The following SKI variants were observed in gnomAD, a reference collection of about 807,000 sequenced individuals.
SKI encodes the protein SKI proto-oncogene.
SKI carries 23 observed loss-of-function variants against 59.3 expected under a neutral mutation model. The ratio of observed to expected loss-of-function variants is 0.39; its 90% CI spans 0.28 to 0.55. The LOEUF (loss-of-function observed/expected upper bound fraction) is 0.55. SKI is among the 20% of genes least tolerant of loss of function. The pLI is 0.67. For missense variants in SKI, 1,017 were observed against 1,038.9 expected (o/e 0.98, Z 0.29); for synonymous variants, 673 against 488.6 (o/e 1.38, Z -4.98).
intron 1 of SKI, 148 bp from the exon 2 acceptor site, chr1:2,302,830 G>C (rs1240255967): frequency 2.8e-6 from 3 of 1,059,728 alleles, no homozygotes; most frequent in African/African-American, 3.1e-5. Context: ...CTCCTGGGGG[G>C]TGCCCTGGAA....
intron 1 of SKI, chr1:2,240,685 G>A: frequency 1.0e-6 from 1 of 985,482 alleles, no homozygotes; most frequent in Non-Finnish European, 1.2e-6. Flanking sequence ...CTCTCTACTT[G>A]TTCGGAGGAT....
Position 2,267,061 on chromosome 1 carries a change from A to G in SKI, c.970-35917A>G, listed in dbSNP as rs1281026514. Among the ~76,000 whole-genome samples the G allele has an allele frequency of 6.6e-6, 1 of 152,178 alleles. No individual in the cohort carries two copies. The highest frequency in any genetic ancestry group is 1.9e-4 in the East Asian group (1 of 5,198). On this transcript the variant is annotated intron_variant, in intron 1 of 6. Coordinates refer to ENST00000378536, the MANE Select transcript of SKI (RefSeq NM_003036.4). The surrounding 1 kb of genome is among the most constrained non-coding windows in gnomAD (Gnocchi z 4.1). ...TTTTCCTTCTGCAATAATTTTGGCT[A>G]CATTAAATTCGTTTTGTTAACATCT...
chr1:2,275,135 G>A (rs1352483953), intron 1 of SKI, among the ~76,000 whole-genome samples: 3 of 152,256 alleles, frequency 2.0e-5, no homozygotes, highest in Non-Finnish European at 1.5e-5. Flanking sequence ...CCCCATGAGA[G>A]GAGCTTCTAG....
At chr1:2,280,116 C>T (rs769758393) in intron 1 of SKI, among the ~76,000 whole-genome samples, 1 of 152,032 alleles carries the variant, frequency 6.6e-6, no homozygotes, top group African/African-American at 2.4e-5. Flanking sequence ...TGCCTGTAAT[C>T]CCAGCACTTT....
At chr1:2,234,261 C>G (rs1212819377) in intron 1 of SKI, among the ~76,000 whole-genome samples, 6 of 152,178 alleles carry the variant, frequency 3.9e-5, no homozygotes, top group African/African-American at 1.4e-4. Flanking sequence ...GGCAGCTGCC[C>G]CCAGGTGGCT....
intron 1 of SKI, among the ~76,000 whole-genome samples, chr1:2,241,381 G>C (rs1638866455): frequency 6.6e-6 from 1 of 152,092 alleles, no homozygotes; most frequent in African/African-American, 2.4e-5. Flanking sequence ...CCTATTTTGA[G>C]GGGGAGGGAT....
rs112615276 is a variant in SKI at position 2,235,329 on chromosome 1, C to G, written c.969+5594C>G. Among the ~76,000 whole-genome samples the G allele has an allele frequency of 3.3e-3, 505 of 152,326 alleles. 2 individuals are homozygous for G. Among genetic ancestry groups the G allele is most frequent in the African/African-American group, 0.012 (487 of 41,574 alleles). The stretch of plus-strand genomic sequence containing the variant: ...AGAGTGCTGGGATTACAGGCATAAG[C>G]CACTGTGCCTGGCCCCTGGAGTGGG... On this transcript the variant is annotated intron_variant, in intron 1 of 6. Transcript: ENST00000378536.
At chr1:2,297,477 G>A (rs1343669442) in intron 1 of SKI, among the ~76,000 whole-genome samples, 4 of 152,210 alleles carry the variant, frequency 2.6e-5, no homozygotes, top group Admixed American at 6.5e-5. Flanking sequence ...CGATCTCCTC[G>A]GAACCCAGAT....
At chr1:2,271,792 C>A (rs533873771) in intron 1 of SKI, among the ~76,000 whole-genome samples, 2 of 152,130 alleles carry the variant, frequency 1.3e-5, no homozygotes, top group African/African-American at 2.4e-5. Flanking sequence ...CCCAACCTCA[C>A]GTCCAGGTCT....
intron 1 of SKI, among the ~76,000 whole-genome samples, chr1:2,284,464 G>A (rs548720238): frequency 7.2e-5 from 11 of 152,314 alleles, no homozygotes; most frequent in African/African-American, 1.7e-4. Flanking sequence ...CGGCAGCTCC[G>A]TGTGAAGTAG....
Position 2,309,090 on chromosome 1 carries a change from G to C in SKI, c.*2325G>C, listed in dbSNP as rs987180781. The C allele has an allele frequency of 6.6e-6, 1 of 152,464 alleles. No individual in the cohort carries two copies. The highest frequency in any genetic ancestry group is 2.1e-4 in the South Asian group (1 of 4,832). The allele number at this position is 152,464 out of a possible 1,614,324, so 9.4% of individuals were successfully genotyped here. A position where few individuals can be genotyped will look rare whatever the true frequency, so the allele number is the denominator to read the frequency against. On this transcript the variant is annotated 3_prime_UTR_variant, in exon 7 of 7. Coordinates refer to ENST00000378536, the MANE Select transcript of SKI (RefSeq NM_003036.4). ...CACAGCTCTTGCCTCGGCTCACCAG[G>C]GTCACTTCCACTGTCAGGGGCCTGA...
intron 6 of SKI, 81 bp from the exon 7 acceptor site, chr1:2,306,496 A>G: frequency 7.1e-7 from 1 of 1,407,514 alleles, no homozygotes; most frequent in Non-Finnish European, 9.6e-7. Context: ...GGAGCGGCGC[A>G]GGAGCCTCGG....
intron 1 of SKI, among the ~76,000 whole-genome samples, chr1:2,257,176 TTCTC>T (rs1639292105): frequency 6.6e-6 from 1 of 152,282 alleles, no homozygotes; most frequent in African/African-American, 2.4e-5. Context: ...TGCTGTATCT[TTCTC>T]CTGTTGCTGC....
rs566275369 is a variant in SKI, at chr1:2,264,696, C to CT, written c.969+34962dup. Among the ~76,000 whole-genome samples the CT allele has an allele frequency of 5.9e-5, 9 of 152,314 alleles. No homozygotes were observed. In the South Asian group the frequency reaches 1.9e-3, roughly 32 times the overall value. On this transcript the variant is annotated intron_variant, in intron 1 of 6. Transcript: ENST00000378536. ...ATTACACAGGCATGAGCCACCGTGC[C>CT]TGGCCCCAATTTTCAGTACTTTAAA...
chr1:2,249,447 T>C (rs1452999482), intron 1 of SKI, among the ~76,000 whole-genome samples: 1 of 152,250 alleles, frequency 6.6e-6, no homozygotes, highest in Admixed American at 6.5e-5. Flanking sequence ...AGATCAAGGC[T>C]GAGGGGGACC....
chr1:2,287,795 G>C (rs577053421), intron 1 of SKI, among the ~76,000 whole-genome samples: 2 of 152,130 alleles, frequency 1.3e-5, no homozygotes, highest in Non-Finnish European at 2.9e-5. Flanking sequence ...CCCTCACCTT[G>C]GGGGATGAGC....
chr1:2,300,394 C>T (rs977711604), intron 1 of SKI, among the ~76,000 whole-genome samples: 21 of 151,742 alleles, frequency 1.4e-4, no homozygotes, highest in Non-Finnish European at 2.8e-4. Flanking sequence ...TTTGAAGCCC[C>T]AGGAAGGGTC....
At position 2,229,838 on chromosome 1, in the gene SKI, C is replaced by T. The variant is rs754163603; in HGVS notation, c.969+103C>T. ...CCGAAGGCTGGGACCTGTGCTTCTG[C>T]CGTGCCCCATGTCTCCAGTCTTCGC... On this transcript the variant is annotated intron_variant, in intron 1 of 6. Coordinates refer to ENST00000378536, the MANE Select transcript of SKI (RefSeq NM_003036.4). The surrounding 1 kb of genome is among the most constrained non-coding windows in gnomAD (Gnocchi z 6.3). 300 of 1,530,996 alleles carry T rather than the reference C, an allele frequency of 2.0e-4. No individual in the cohort carries two copies. The highest frequency in any genetic ancestry group is 2.5e-4 in the Non-Finnish European group (286 of 1,134,296). The allele number at this position is 1,530,996 out of a possible 1,614,324, so 94.8% of individuals were successfully genotyped here.
rs1199964406 is a variant in SKI, at chr1:2,303,202, G to A, written c.1096-83G>A. The A allele has an allele frequency of 6.2e-7, 1 of 1,601,418 alleles. No individual in the cohort carries two copies. The highest frequency in any genetic ancestry group is 8.5e-7 in the Non-Finnish European group (1 of 1,170,718). ...GCAGCTCCACCTGCCCGCTACTGAGGGCTGGCACCCGGCGCAGCCTCAGGG... is the reference window on the plus strand; with the variant it reads ...GCAGCTCCACCTGCCCGCTACTGAGAGCTGGCACCCGGCGCAGCCTCAGGG... On this transcript the variant is annotated intron_variant, in intron 2 of 6. Transcript: ENST00000378536. This position sits in a 1 kb window ranked among gnomAD's most constrained non-coding sequence, Gnocchi z 5.6.
Sources: gnomAD v4.1 joint callset for allele counts (sites outside exome capture counted in the v4.1 genomes callset) on GRCh38, gnomAD v4.1.1 for gene constraint, Gnocchi (gnomAD v3.1) non-coding constraint, MANE v1.5 for transcripts, NCBI Gene and HGNC (gene_info 2026-07-23, HGNC 2026-07-21) for gene names.